The following FANCA variants were observed in gnomAD, a reference collection of about 807,000 sequenced individuals.
FANCA encodes FA complementation group A.
In FANCA, 236 loss-of-function variants were observed where a neutral mutation model predicts 194.3. That is an observed-to-expected ratio of 1.21 (90% CI 1.09 to 1.35). The LOEUF (loss-of-function observed/expected upper bound fraction) is 1.35. Ranked by LOEUF, FANCA falls within the 40% of genes most tolerant of loss-of-function variation. The pLI is 0.00. For missense variants in FANCA, 2,628 were observed against 1,813.9 expected (o/e 1.45, Z -8.15); for synonymous variants, 1,014 against 715.8 (o/e 1.42, Z -6.65).
Position 89,737,994 on chromosome 16 carries a change from C to T in FANCA, c.*607G>A. The T allele has an allele frequency of 6.2e-7, 1 of 1,614,160 alleles. No homozygotes were observed. Among genetic ancestry groups the T allele is most frequent in the South Asian group, 1.1e-5 (1 of 91,088 alleles). ...CCCCCAGGTGTGAGGTCTGTGGGTTCCAGTGCAGGCAGCGGGCATCCCTCA... is the reference window on the plus strand; with the variant it reads ...CCCCCAGGTGTGAGGTCTGTGGGTTTCAGTGCAGGCAGCGGGCATCCCTCA... On this transcript the variant is annotated 3_prime_UTR_variant, in exon 43 of 43. Transcript: ENST00000389301.
chr16:89,740,442 C>T lies in FANCA; in HGVS notation c.3829-343G>A. 3 of 457,432 alleles carry T rather than the reference C, an allele frequency of 6.6e-6. No homozygotes were observed. In the South Asian group the frequency reaches 7.2e-5, roughly 11 times the overall value. 28.3% of individuals were successfully genotyped at this position (457,432 alleles called of 1,614,324 possible). On this transcript the variant is annotated intron_variant, in intron 38 of 42. Transcript: ENST00000389301. Reference sequence around the variant, plus strand: ...ATCACTGAGGCCAGTTCAAGACCAGCCTGGCAATATGGTGAAACCCCGTCT... The same window carrying T: ...ATCACTGAGGCCAGTTCAAGACCAGTCTGGCAATATGGTGAAACCCCGTCT...
At position 89,767,169 on chromosome 16, in the gene FANCA, C is replaced by A. The variant is rs1291169859; in HGVS notation, c.2573G>T (p.Ser858Ile). The A allele has an allele frequency of 1.2e-6, 2 of 1,613,476 alleles. No individual in the cohort carries two copies. The highest frequency in any genetic ancestry group is 1.7e-6 in the Non-Finnish European group (2 of 1,179,410). ...FSSQSRDTLC[S>I]CLSPGLIKKF... ...TTTAATAAGGCCTGGAGATAAGCAG[C>A]TGCACAAAGTATCTCGTGACTGGGA... is the stretch of plus-strand genomic sequence containing the variant. The change falls in exon 27 of 43, where the codon AGC (serine) becomes ATC (isoleucine). Residue 858 changes from serine (S) to isoleucine (I), a missense_variant. Physicochemically the swap from Ser to Ile is moderately radical, Grantham distance 142. Transcript: ENST00000389301.
intron 8 of FANCA, among the ~76,000 whole-genome samples, chr16:89,800,134 G>C (rs1231333317): frequency 6.6e-6 from 1 of 152,260 alleles, no homozygotes; most frequent in African/African-American, 2.4e-5. Context: ...ACTGCTCTCA[G>C]CATGGCCTGA....
chr16:89,750,856 T>C (rs1429250681), intron 31 of FANCA, among the ~76,000 whole-genome samples: 2 of 152,152 alleles, frequency 1.3e-5, no homozygotes, highest in East Asian at 3.8e-4. Context: ...CTGGCTAACA[T>C]TTTACCCCAC....
In FANCA at chr16:89,764,947, G is replaced by C. The variant is rs775013707; in HGVS notation, c.2721C>G (p.Ala907=). The C allele has an allele frequency of 6.8e-6, 11 of 1,614,156 alleles. No homozygotes were observed. Among genetic ancestry groups the C allele is most frequent in the Non-Finnish European group, 8.5e-6 (10 of 1,179,988 alleles). ...AGGTTCTGTGTGTCCAGAGAGAGAG[G>C]GCAGCTCTCTGCCAGTCTGCAGAAG... ...HLPSADWQRA[A]LSLWTHRTFR... The change falls in exon 28 of 43, where the codon GCC becomes GCG. Residue 907 remains alanine (A), a synonymous_variant. Transcript: ENST00000389301.
rs1004490064 is a variant in FANCA at position 89,811,162 on chromosome 16, G to C, written c.284-91C>G. 4 of 1,537,610 alleles carry C rather than the reference G, an allele frequency of 2.6e-6. No homozygotes were observed. The African/African-American group carries it at 5.5e-5, about 21-fold the overall frequency. ...TGCTGTTTAAAATGCCTTATTTTAA[G>C]ATGCAGCACAAAAAAAATTGCCTTT... On this transcript the variant is annotated intron_variant, in intron 3 of 42. Transcript: ENST00000389301.
At chr16:89,748,513 G>A in intron 33 of FANCA, 146 bp downstream of exon 33, 1 of 736,916 alleles carries the variant, frequency 1.4e-6, no homozygotes, top group Non-Finnish European at 2.4e-6. Context: ...TCCCTCACAT[G>A]GCATTCCAGA....
In FANCA at chr16:89,815,288, C is replaced by A. The variant is rs529413959; in HGVS notation, c.189+589G>T. ...CTAACCTCAAGTGATCTACCCACTT[C>A]GGCCTCCCAAAGGGCTAGGATTACA... On this transcript the variant is annotated intron_variant, in intron 2 of 42. Coordinates refer to ENST00000389301, the MANE Select transcript of FANCA (RefSeq NM_000135.4). Among the ~76,000 whole-genome samples the A allele has an allele frequency of 2.0e-4, 30 of 147,538 alleles. No individual in the cohort carries two copies. The South Asian group carries it at 6.6e-3, about 32-fold the overall frequency.
At chr16:89,757,496 C>A (rs966840776) in intron 30 of FANCA, among the ~76,000 whole-genome samples, 1 of 152,160 alleles carries the variant, frequency 6.6e-6, no homozygotes, top group African/African-American at 2.4e-5. Context: ...ACACAAAGGG[C>A]CACATACTAC....
chr16:89,740,341 T>C, intron 38 of FANCA: 1 of 549,658 alleles, frequency 1.8e-6, no homozygotes, highest in South Asian at 2.1e-5. Flanking sequence ...AATAAGACAT[T>C]AAAAGAAAGG....
Position 89,783,117 on chromosome 16 carries a change from C to T in FANCA, c.1471-15G>A, listed in dbSNP as rs754265484. On this transcript the variant is annotated splice_polypyrimidine_tract_variant and intron_variant, in intron 15 of 42. Transcript: ENST00000389301. ...AGAATGTGCACCTGAGGATAGATAGCAGAGCGCAGCACCGTTAGTCTGGGA... is the reference window on the plus strand; with the variant it reads ...AGAATGTGCACCTGAGGATAGATAGTAGAGCGCAGCACCGTTAGTCTGGGA... 1.9e-6 allele frequency: 3 copies of T among 1,590,398 alleles called. No individual in the cohort carries two copies. Among genetic ancestry groups the T allele is most frequent in the Non-Finnish European group, 2.6e-6 (3 of 1,159,410 alleles).
intron 27 of FANCA, among the ~76,000 whole-genome samples, chr16:89,765,923 G>C (rs912790033): frequency 2.0e-5 from 3 of 152,176 alleles, no homozygotes; most frequent in African/African-American, 7.2e-5. Context: ...CTGGAAAGGG[G>C]CCAGGAATCT....
At chr16:89,815,410 C>T (rs2041069951) in intron 2 of FANCA, among the ~76,000 whole-genome samples, 1 of 121,452 alleles carries the variant, frequency 8.2e-6, no homozygotes, top group African/African-American at 3.1e-5. Flanking sequence ...TTGCAAGGGG[C>T]GTGATCTCGG....
At chr16:89,812,946 T>A (rs1443383789) in intron 3 of FANCA, among the ~76,000 whole-genome samples, 2 of 150,622 alleles carry the variant, frequency 1.3e-5, no homozygotes, top group Non-Finnish European at 2.9e-5. Context: ...GGCAGGAGAA[T>A]TGCTTGAACC....
chr16:89,796,288 C>T (rs960904423), intron 10 of FANCA, among the ~76,000 whole-genome samples: 3 of 151,854 alleles, frequency 2.0e-5, no homozygotes, highest in South Asian at 2.1e-4. Flanking sequence ...GCGCCACACC[C>T]GGGAGTGGAG....
chr16:89,772,997 G>C (rs768854572), intron 22 of FANCA, among the ~76,000 whole-genome samples: 3 of 152,092 alleles, frequency 2.0e-5, no homozygotes, highest in African/African-American at 7.2e-5. Context: ...TCCTAGTCAC[G>C]CGTTTTCTTC....
rs758046281 is a variant in FANCA at position 89,762,042 on chromosome 16, A to G, written c.2779-20T>C. On this transcript the variant is annotated intron_variant, in intron 28 of 42. Transcript: ENST00000389301. ...AGTTAACTGAGAAAGAGAGCAAGCA[A>G]TTCAATACAATGAGGACAGAACACA... 1.9e-6 allele frequency: 3 copies of G among 1,588,388 alleles called. No individual in the cohort carries two copies. Among genetic ancestry groups the G allele is most frequent in the Non-Finnish European group, 1.7e-6 (2 of 1,156,288 alleles).
chr16:89,749,320 C>A (rs933396517), intron 32 of FANCA, among the ~76,000 whole-genome samples: 2 of 152,218 alleles, frequency 1.3e-5, no homozygotes, highest in African/African-American at 4.8e-5. Context: ...TCACACCACT[C>A]TCCTGCCTCA....
At chr16:89,779,290 G>T (rs963538578) in intron 18 of FANCA, among the ~76,000 whole-genome samples, 1 of 152,064 alleles carries the variant, frequency 6.6e-6, no homozygotes, top group Admixed American at 6.6e-5. Flanking sequence ...GGTCCATTTG[G>T]GGCAATTTCC....
Sources: allele counts gnomAD v4.1 joint callset (sites outside exome capture counted in the v4.1 genomes callset), GRCh38; gene constraint gnomAD v4.1.1; transcripts MANE v1.5; gene names NCBI Gene and HGNC (gene_info 2026-07-23, HGNC 2026-07-21).